The following CDK6 variants were observed in gnomAD, a reference collection of about 807,000 sequenced individuals.
CDK6 encodes cyclin-dependent kinase 6.
CDK6 carries 6 observed loss-of-function variants against 37.1 expected under a neutral mutation model. That is an observed-to-expected ratio of 0.16 (90% confidence interval 0.09 to 0.32). The LOEUF (loss-of-function observed/expected upper bound fraction) is 0.32. Ranked by LOEUF, CDK6 falls within the 10% of genes least tolerant of loss-of-function variation. CDK6 has a pLI of 1.00. For synonymous variants in CDK6, 160 were observed against 161.3 expected (o/e 0.99, Z 0.06); for missense variants, 224 against 418.9 (o/e 0.53, Z 4.06).
chr7:92,746,993 C>T (rs1799076033), intron 3 of CDK6, among the ~76,000 whole-genome samples: 1 of 152,058 alleles, frequency 6.6e-6, no homozygotes, highest in African/African-American at 2.4e-5. Flanking sequence ...ATATTTCTCA[C>T]TTCTAGTATT....
chr7:92,749,734 T>A (rs928650330), intron 3 of CDK6, among the ~76,000 whole-genome samples: 1 of 152,230 alleles, frequency 6.6e-6, no homozygotes, highest in African/African-American at 2.4e-5. Flanking sequence ...CCTTCTTTAG[T>A]CCTGTGAGGG....
chr7:92,626,544 A>C (rs1406632624), intron 5 of CDK6, among the ~76,000 whole-genome samples: 1 of 152,142 alleles, frequency 6.6e-6, no homozygotes, highest in African/African-American at 2.4e-5. Context: ...TTCAATGAAC[A>C]GCAATATAGA....
At chr7:92,807,096 T>A (rs1193661455) in intron 2 of CDK6, among the ~76,000 whole-genome samples, 1 of 152,150 alleles carries the variant, frequency 6.6e-6, no homozygotes, top group East Asian at 1.9e-4. Flanking sequence ...TGTCCTCTGT[T>A]CCCCTTAACC....
chr7:92,637,584 T>C (rs759625058), intron 5 of CDK6, among the ~76,000 whole-genome samples: 21 of 152,146 alleles, frequency 1.4e-4, no homozygotes, highest in Non-Finnish European at 1.9e-4. Flanking sequence ...CTAATAATAA[T>C]AATAAATTCA....
intron 4 of CDK6, among the ~76,000 whole-genome samples, chr7:92,698,126 T>C (rs1162446121): frequency 6.6e-6 from 1 of 152,176 alleles, no homozygotes; most frequent in African/African-American, 2.4e-5. Flanking sequence ...AGTAATGACA[T>C]GTCACTTAAA....
rs113636109 is a variant in CDK6, at chr7:92,815,649, T to A, written c.233+17442A>T. Among the ~76,000 whole-genome samples, 18 of 152,306 alleles carry A rather than the reference T, an allele frequency of 1.2e-4. 1 individual carries two copies. Among genetic ancestry groups the A allele is most frequent in the African/African-American group, 4.1e-4 (17 of 41,566 alleles). ...AGGAAGGAGGAACCTCAGAGTTCTG[T>A]AAATTCTGTAGTCTTGCCCAGCTGG... is the stretch of plus-strand genomic sequence containing the variant. On this transcript the variant is annotated intron_variant, in intron 2 of 7. Transcript: ENST00000424848.
Position 92,729,861 on chromosome 7 carries a change from T to G in CDK6, c.370-4068A>C, listed in dbSNP as rs1798602069. On this transcript the variant is annotated intron_variant, in intron 3 of 7. Coordinates refer to ENST00000424848, the MANE Select transcript of CDK6 (RefSeq NM_001145306.2). ...TCTAATTCCTAGGTTCAAACAATACTCCTGAGTAGCTGGGACTACAGGTGT... is the reference window on the plus strand; with the variant it reads ...TCTAATTCCTAGGTTCAAACAATACGCCTGAGTAGCTGGGACTACAGGTGT... Among the ~76,000 whole-genome samples, 3 of 152,282 alleles carry G rather than the reference T, an allele frequency of 2.0e-5. No homozygotes were observed. In the South Asian group the frequency reaches 6.2e-4, roughly 32 times the overall value.
intron 5 of CDK6, among the ~76,000 whole-genome samples, chr7:92,634,934 G>T (rs1348604516): frequency 6.6e-6 from 1 of 152,148 alleles, no homozygotes; most frequent in Non-Finnish European, 1.5e-5. Context: ...GACATGTGGG[G>T]GGATGTAGTA....
chr7:92,619,050 T>A (rs927803384), intron 6 of CDK6, among the ~76,000 whole-genome samples: 2 of 152,164 alleles, frequency 1.3e-5, no homozygotes, highest in Non-Finnish European at 2.9e-5. Context: ...GTAATGAGGA[T>A]CAGTTATACT....
At chr7:92,649,886 T>C (rs2116555694) in intron 5 of CDK6, among the ~76,000 whole-genome samples, 1 of 152,340 alleles carries the variant, frequency 6.6e-6, no homozygotes, top group East Asian at 1.9e-4. Context: ...GGGTTGAGCC[T>C]AGGTAAGTAG....
intron 3 of CDK6, among the ~76,000 whole-genome samples, chr7:92,735,336 C>A (rs1268399132): frequency 6.6e-6 from 1 of 152,014 alleles, no homozygotes; most frequent in African/African-American, 2.4e-5. Context: ...ATATTTCATA[C>A]CTTTGTATGT....
intron 2 of CDK6, among the ~76,000 whole-genome samples, chr7:92,812,484 C>T (rs1027299594): frequency 6.6e-6 from 1 of 151,494 alleles, no homozygotes; most frequent in South Asian, 2.1e-4. Flanking sequence ...GTGGTGTGAT[C>T]ATGGCTCACT....
At chr7:92,652,681 G>A (rs560236388) in intron 5 of CDK6, among the ~76,000 whole-genome samples, 1 of 152,184 alleles carries the variant, frequency 6.6e-6, no homozygotes, top group South Asian at 2.1e-4. Flanking sequence ...ATTCCTATAG[G>A]GTCATTAACA....
chr7:92,648,978 T>C (rs935520641), intron 5 of CDK6, among the ~76,000 whole-genome samples: 1 of 152,148 alleles, frequency 6.6e-6, no homozygotes, highest in African/African-American at 2.4e-5. Context: ...GCTCCTATTT[T>C]AGGGCAGTTG....
At chr7:92,754,157 G>A (rs983334101) in intron 3 of CDK6, among the ~76,000 whole-genome samples, 4 of 152,192 alleles carry the variant, frequency 2.6e-5, no homozygotes, top group East Asian at 1.9e-4. Context: ...TTATCCTAAT[G>A]GTTGCTTCTA....
intron 3 of CDK6, among the ~76,000 whole-genome samples, chr7:92,735,582 A>G (rs1412853170): frequency 1.3e-5 from 2 of 152,160 alleles, no homozygotes; most frequent in African/African-American, 4.8e-5. Context: ...TTGTTTTTTA[A>G]ACTGCCAAGC....
chr7:92,772,883 C>T (rs1376540071), intron 3 of CDK6, among the ~76,000 whole-genome samples: 1 of 151,984 alleles, frequency 6.6e-6, no homozygotes, highest in African/African-American at 2.4e-5. Flanking sequence ...TAATATAATG[C>T]TCAAAAGATC....
intron 3 of CDK6, among the ~76,000 whole-genome samples, chr7:92,751,075 T>C (rs989650478): frequency 2.0e-5 from 3 of 152,188 alleles, no homozygotes; most frequent in East Asian, 1.9e-4. Context: ...GATTCTAATA[T>C]ATACAAAACA....
chr7:92,679,678 A>G (rs1348256020), intron 4 of CDK6, among the ~76,000 whole-genome samples: 1 of 152,214 alleles, frequency 6.6e-6, no homozygotes, highest in African/African-American at 2.4e-5. Flanking sequence ...GTGAAAATCA[A>G]AACTAGTGAT....
Sources: allele counts gnomAD v4.1 joint callset (sites outside exome capture counted in the v4.1 genomes callset), GRCh38; gene constraint gnomAD v4.1.1; transcripts MANE v1.5; gene names NCBI Gene and HGNC (gene_info 2026-07-23, HGNC 2026-07-21).